ZSWIM6: variants seen among roughly 807,000 people sequenced by gnomAD.
ZSWIM6 encodes the protein zinc finger SWIM domain-containing protein 6.
Under a neutral mutation model 113.2 loss-of-function variants are expected in ZSWIM6, and 9 were observed. The observed-to-expected ratio is 0.08, with a 90% CI of 0.05 to 0.14. The LOEUF is 0.14. Among genes scored for constraint, ZSWIM6 ranks in the 10% least tolerant of loss-of-function variants. The pLI, the probability that ZSWIM6 is intolerant of heterozygous loss-of-function variation, is 1.00. For synonymous variants in ZSWIM6, 611 were observed against 606.5 expected (o/e 1.01, Z -0.11); for missense variants, 1,162 against 1,552.2 (o/e 0.75, Z 4.22).
chr5:61,489,123 C>A (rs144659108), intron 2 of ZSWIM6, among the ~76,000 whole-genome samples: 98 of 152,130 alleles, frequency 6.4e-4, no homozygotes, highest in Admixed American at 9.9e-4. Flanking sequence ...TTCTTCCATG[C>A]ACCATGTTTT....
intron 2 of ZSWIM6, among the ~76,000 whole-genome samples, chr5:61,473,865 C>T (rs1309138109): frequency 2.6e-5 from 4 of 152,162 alleles, no homozygotes. Flanking sequence ...TAGGACTAGT[C>T]TCTCAACCCT....
Position 61,332,709 on chromosome 5 carries a change from G to A in ZSWIM6, c.437G>A (p.Gly146Asp). The A allele has an allele frequency of 1.0e-6, 1 of 971,566 alleles. No individual in the cohort carries two copies. The highest frequency in any genetic ancestry group is 1.2e-6 in the Non-Finnish European group (1 of 822,628). 60.2% of individuals were successfully genotyped at this position (971,566 alleles called of 1,614,324 possible). ...GPGDDSGGGGGAGGGGGGGSS... is the reference protein window; with the variant it reads ...GPGDDSGGGGDAGGGGGGGSS... ...GGCGACGACAGCGGTGGCGGCGGCGGCGCGGGCGGCGGCGGCGGCGGCGGC... is the reference window on the plus strand; with the variant it reads ...GGCGACGACAGCGGTGGCGGCGGCGACGCGGGCGGCGGCGGCGGCGGCGGC... The change falls in exon 1 of 14, where the codon GGC (glycine) becomes GAC (aspartate). Residue 146 changes from glycine (G) to aspartate (D), a missense_variant. Around this residue, in one of 4 missense-constraint regions of ZSWIM6, gnomAD observed 333 missense variants for 293.4 expected, o/e 1.13. Coordinates refer to ENST00000252744, the MANE Select transcript of ZSWIM6 (RefSeq NM_020928.2).
At chr5:61,393,140 A>T (rs1292864420) in intron 1 of ZSWIM6, among the ~76,000 whole-genome samples, 5 of 151,800 alleles carry the variant, frequency 3.3e-5, no homozygotes, top group African/African-American at 1.2e-4. Context: ...CCCAGGTTGA[A>T]GCGATTCTCC....
chr5:61,356,726 T>C (rs1744918208), intron 1 of ZSWIM6, among the ~76,000 whole-genome samples: 1 of 69,716 alleles, frequency 1.4e-5, no homozygotes, highest in African/African-American at 5.5e-5. Flanking sequence ...TATAACATAA[T>C]ATATAATATA....
chr5:61,372,178 AC>A (rs962758146), intron 1 of ZSWIM6, among the ~76,000 whole-genome samples: 12 of 151,894 alleles, frequency 7.9e-5, no homozygotes, highest in Admixed American at 7.2e-4. Context: ...TTCCCTTTCT[AC>A]CATTGCGCAT....
At chr5:61,462,361 G>A (rs941606725) in intron 1 of ZSWIM6, among the ~76,000 whole-genome samples, 1 of 152,128 alleles carries the variant, frequency 6.6e-6, no homozygotes, top group African/African-American at 2.4e-5. Flanking sequence ...AGGGAAGAGT[G>A]AAACATTTCT....
intron 3 of ZSWIM6, among the ~76,000 whole-genome samples, chr5:61,492,917 C>G (rs1040169789): frequency 1.1e-4 from 17 of 152,038 alleles, no homozygotes; most frequent in Admixed American, 5.9e-4. Context: ...CCAACCACCC[C>G]ACCTTTTCTA....
chr5:61,474,847 A>G (rs1407556731), intron 2 of ZSWIM6, among the ~76,000 whole-genome samples: 1 of 152,210 alleles, frequency 6.6e-6, no homozygotes, highest in African/African-American at 2.4e-5. Context: ...GAGGAAATCT[A>G]CATAGTTGTA....
In ZSWIM6 at chr5:61,538,904, G is replaced by C. The variant is rs2112288863; in HGVS notation, c.2472G>C (p.Trp824Cys). ...ASVVPNRYPR[W>C]FTLSHIESQQ... ...TTGTTCCCAACCGCTACCCTCGCTG[G>C]TTCACTCTAAGCCACATTGAGTCCC... Residue 824 changes from tryptophan (W) to cysteine (C), a missense_variant, in exon 11 of 14, where the codon TGG becomes TGC. Physicochemically the swap from Trp to Cys is radical, Grantham distance 215 (BLOSUM62 -2). This residue lies in a region of ZSWIM6 where 620 missense variants were observed against 804.6 expected (regional missense o/e 0.77). Coordinates refer to ENST00000252744, the MANE Select transcript of ZSWIM6 (RefSeq NM_020928.2). The C allele has an allele frequency of 6.4e-7, 1 of 1,552,194 alleles. No homozygotes were observed. The highest frequency in any genetic ancestry group is 8.7e-7 in the Non-Finnish European group (1 of 1,147,106).
intron 1 of ZSWIM6, among the ~76,000 whole-genome samples, chr5:61,344,257 T>C (rs1253211295): frequency 1.3e-5 from 2 of 152,134 alleles, no homozygotes; most frequent in Non-Finnish European, 2.9e-5. Context: ...CAAATACCAC[T>C]TGTGTAATTT....
rs1440978285 is a variant in ZSWIM6 at position 61,494,416 on chromosome 5, C to A, written c.1333+6C>A. On this transcript the variant is annotated splice_donor_region_variant and intron_variant, in intron 4 of 13. Transcript: ENST00000252744. ...GCAGCTCTGGGATGAGCTGGGTAAG[C>A]ATGTTTCCTCACAAATTACCATTGA... 1.3e-6 allele frequency: 2 copies of A among 1,550,470 alleles called. No individual in the cohort carries two copies. Among genetic ancestry groups the A allele is most frequent in the African/African-American group, 2.7e-5 (2 of 72,926 alleles).
intron 4 of ZSWIM6, among the ~76,000 whole-genome samples, chr5:61,504,782 G>A (rs753752132): frequency 6.6e-6 from 1 of 152,058 alleles, no homozygotes; most frequent in Non-Finnish European, 1.5e-5. Context: ...GCTCAGGGAA[G>A]CACTTATGCG....
In ZSWIM6 at chr5:61,531,053, T is replaced by C. The variant is rs1161164735; in HGVS notation, c.1985-412T>C. On this transcript the variant is annotated intron_variant, in intron 8 of 13. Transcript: ENST00000252744. ...AAAGGACTTGAAATTGGGTTATATA[T>C]GTTATGTTCCCTACTGTTTTTATTA... Among the ~76,000 whole-genome samples, 8 of 152,328 alleles carry C rather than the reference T, an allele frequency of 5.3e-5. No individual in the cohort carries two copies. In the East Asian group the frequency reaches 1.5e-3, roughly 29 times the overall value.
intron 1 of ZSWIM6, among the ~76,000 whole-genome samples, chr5:61,451,997 C>T (rs568224305): frequency 9.2e-5 from 14 of 151,962 alleles, no homozygotes; most frequent in African/African-American, 3.1e-4. Context: ...CACTTAGTAC[C>T]CGCTACTCAA....
At position 61,529,950 on chromosome 5, in the gene ZSWIM6, A is replaced by G. The variant is rs531743166; in HGVS notation, c.1838-102A>G. 8.4e-5 allele frequency: 88 copies of G among 1,051,580 alleles called. No homozygotes were observed. In the South Asian group the frequency reaches 1.6e-3, roughly 19 times the overall value. The allele number at this position is 1,051,580 out of a possible 1,614,324, so 65.1% of individuals were successfully genotyped here. A position where few individuals can be genotyped will look rare whatever the true frequency, so the allele number is the denominator to read the frequency against. On this transcript the variant is annotated intron_variant, in intron 7 of 13. Transcript: ENST00000252744. ...TTCGAACAGAATTCAGAACTGGTTT[A>G]TCAGGATGCTGCTATTAAATGGTAA...
chr5:61,403,091 T>C (rs1182527554), intron 1 of ZSWIM6, among the ~76,000 whole-genome samples: 3 of 152,236 alleles, frequency 2.0e-5, no homozygotes, highest in Non-Finnish European at 2.9e-5. Flanking sequence ...CAAGTGGATG[T>C]CACTTGCCAA....
chr5:61,500,541 G>A (rs909492832), intron 4 of ZSWIM6, among the ~76,000 whole-genome samples: 7 of 152,094 alleles, frequency 4.6e-5, no homozygotes, highest in Non-Finnish European at 8.8e-5. Flanking sequence ...AGAGCTGCCT[G>A]GCCTTGTCTG....
chr5:61,519,840 C>T (rs777724753), intron 4 of ZSWIM6, among the ~76,000 whole-genome samples: 24 of 152,166 alleles, frequency 1.6e-4, no homozygotes, highest in African/African-American at 3.9e-4. Flanking sequence ...AGGATGCTTT[C>T]GGGATGAAAC....
chr5:61,458,509 C>T (rs550358485), intron 1 of ZSWIM6, among the ~76,000 whole-genome samples: 36 of 152,272 alleles, frequency 2.4e-4, no homozygotes, highest in African/African-American at 6.5e-4. Flanking sequence ...TAGTGATCTA[C>T]GCTCCCTCCC....
Sources: allele counts gnomAD v4.1 joint callset (sites outside exome capture counted in the v4.1 genomes callset), GRCh38; gene constraint gnomAD v4.1.1; regional missense constraint gnomAD v4.1.1; transcripts MANE v1.5; gene names NCBI Gene and HGNC (gene_info 2026-07-23, HGNC 2026-07-21).